The following MSRA variants were observed in gnomAD, a reference collection of about 807,000 sequenced individuals.
The protein encoded by MSRA is mitochondrial peptide methionine sulfoxide reductase.
Under a neutral mutation model 31.3 loss-of-function variants are expected in MSRA, and 54 were observed. The ratio of observed to expected loss-of-function variants is 1.73; its 90% CI spans 1.39 to 2.17. The LOEUF (loss-of-function observed/expected upper bound fraction) is 2.17, where lower values mean the gene tolerates loss of function less well. Among genes scored for constraint, MSRA ranks in the 30% most tolerant of loss-of-function variants. The pLI is 0.00. For missense variants in MSRA, 507 were observed against 300.9 expected, an observed-to-expected ratio of 1.69 and a Z score of -5.07; for synonymous variants, 169 against 116.5, an observed-to-expected ratio of 1.45 and a Z score of -2.90.
intron 3 of MSRA, among the ~76,000 whole-genome samples, chr8:10,298,505 A>G (rs1800663821): frequency 6.6e-6 from 1 of 152,166 alleles, no homozygotes; most frequent in Non-Finnish European, 1.5e-5. Context: ...ATGGGTACGG[A>G]ATATCAGTTT....
intron 1 of MSRA, among the ~76,000 whole-genome samples, chr8:10,105,194 C>CT (rs36000218): frequency 0.016 from 2,377 of 151,654 alleles, 149 homozygotes; most frequent in Admixed American, 0.11. Flanking sequence ...CCTTCTCAAT[C>CT]TTTTTTTTTC....
At chr8:10,119,960 A>G (rs184977368) in intron 1 of MSRA, among the ~76,000 whole-genome samples, 5 of 152,338 alleles carry the variant, frequency 3.3e-5, no homozygotes, top group African/African-American at 1.2e-4. Context: ...AAAAGGGGCA[A>G]GAAGAGAGCA....
At chr8:10,058,747 G>C (rs765869904) in intron 1 of MSRA, among the ~76,000 whole-genome samples, 1 of 152,198 alleles carries the variant, frequency 6.6e-6, no homozygotes, top group African/African-American at 2.4e-5. Flanking sequence ...ACCTTTTACA[G>C]TGTGCACTGT....
chr8:10,347,032 C>G (rs749603270), intron 5 of MSRA, among the ~76,000 whole-genome samples: 3 of 152,170 alleles, frequency 2.0e-5, no homozygotes, highest in Non-Finnish European at 4.4e-5. Flanking sequence ...CACACCCCAT[C>G]ATTCTGGCTG....
intron 1 of MSRA, among the ~76,000 whole-genome samples, chr8:10,102,528 C>T (rs1799600809): frequency 6.6e-6 from 1 of 152,142 alleles, no homozygotes; most frequent in Non-Finnish European, 1.5e-5. Flanking sequence ...TTTGTGGAAA[C>T]ATGTTTATAA....
At chr8:10,387,779 G>A (rs1351382258) in intron 5 of MSRA, among the ~76,000 whole-genome samples, 4 of 152,222 alleles carry the variant, frequency 2.6e-5, no homozygotes, top group African/African-American at 7.2e-5. Context: ...GTTATTCAGT[G>A]AGATTCCTAG....
intron 5 of MSRA, among the ~76,000 whole-genome samples, chr8:10,390,231 C>T (rs1037823425): frequency 6.6e-6 from 1 of 152,240 alleles, no homozygotes; most frequent in African/African-American, 2.4e-5. Context: ...GGGATGGGGC[C>T]TCCGTGGGGC....
intron 3 of MSRA, among the ~76,000 whole-genome samples, chr8:10,263,034 T>C (rs955433062): frequency 4.6e-5 from 7 of 152,232 alleles, no homozygotes; most frequent in Non-Finnish European, 8.8e-5. Context: ...ACATGGGTGC[T>C]GATTGTCTTG....
At chr8:10,179,250 T>C (rs1283050761) in intron 1 of MSRA, among the ~76,000 whole-genome samples, 1 of 152,158 alleles carries the variant, frequency 6.6e-6, no homozygotes, top group Non-Finnish European at 1.5e-5. Flanking sequence ...CCCAGTTTTT[T>C]GAAGAAGCTG....
Position 10,350,717 on chromosome 8 carries a change from C to T in MSRA, c.543+30728C>T, listed in dbSNP as rs1357177088. Among the ~76,000 whole-genome samples the T allele has an allele frequency of 2.0e-5, 3 of 152,216 alleles. No homozygotes were observed. The East Asian group carries it at 5.8e-4, about 29-fold the overall frequency. On this transcript the variant is annotated intron_variant, in intron 5 of 5. Transcript: ENST00000317173. ...TGGCCTGGGCACCGTGGCTCCTTGCCAAGGCCGGCAACCCTTGATGGTGGC... is the reference window on the plus strand; with the variant it reads ...TGGCCTGGGCACCGTGGCTCCTTGCTAAGGCCGGCAACCCTTGATGGTGGC...
intron 1 of MSRA, among the ~76,000 whole-genome samples, chr8:10,062,759 T>G (rs1797270868): frequency 6.6e-6 from 1 of 152,160 alleles, no homozygotes; most frequent in Admixed American, 6.5e-5. Flanking sequence ...ATCAGAAAAC[T>G]TTATTAACTA....
chr8:10,351,910 G>T (rs575624180), intron 5 of MSRA, among the ~76,000 whole-genome samples: 17 of 152,346 alleles, frequency 1.1e-4, no homozygotes, highest in African/African-American at 3.6e-4. Flanking sequence ...GACCCTGGCT[G>T]TCCGACGGCC....
chr8:10,279,419 C>G, intron 3 of MSRA, among the ~76,000 whole-genome samples: 1 of 152,146 alleles, frequency 6.6e-6, no homozygotes, highest in East Asian at 1.9e-4. Context: ...TCAACTTTGT[C>G]TAAGAGATAA....
rs117430578 is a variant in MSRA at position 10,071,995 on chromosome 8, C to T, written c.142+17337C>T. Among the ~76,000 whole-genome samples, 386 of 152,222 alleles carry T rather than the reference C, an allele frequency of 2.5e-3. 2 individuals carry two copies. Among genetic ancestry groups the T allele is most frequent in the Non-Finnish European group, 4.0e-3 (274 of 68,014 alleles). The stretch of plus-strand genomic sequence containing the variant: ...CAGGGGTCCCTCGTGGCTGCCCGTA[C>T]GGGGTGGTCTGCCTACGAGCACCCC... On this transcript the variant is annotated intron_variant, in intron 1 of 5. Transcript: ENST00000317173.
chr8:10,197,810 GT>G (rs1563207692), intron 1 of MSRA, among the ~76,000 whole-genome samples: 1 of 152,168 alleles, frequency 6.6e-6, no homozygotes, highest in African/African-American at 2.4e-5. Flanking sequence ...AGCTGGTTTG[GT>G]TTATTCTGGA....
chr8:10,095,807 G>A, intron 1 of MSRA: 1 of 1,229,594 alleles, frequency 8.1e-7, no homozygotes, highest in Non-Finnish European at 1.0e-6. Flanking sequence ...CAGTATTAAG[G>A]GAAATAAAAG....
At chr8:10,112,694 G>GAT (rs1800376862) in intron 1 of MSRA, among the ~76,000 whole-genome samples, 1 of 152,168 alleles carries the variant, frequency 6.6e-6, no homozygotes, top group Admixed American at 6.5e-5. Context: ...CTAATGTAGT[G>GAT]ATATAAATTC....
At chr8:10,193,443 G>C (rs888508779) in intron 1 of MSRA, among the ~76,000 whole-genome samples, 2 of 152,198 alleles carry the variant, frequency 1.3e-5, no homozygotes, top group Non-Finnish European at 2.9e-5. Flanking sequence ...AGTCATTACA[G>C]AATCCATCAA....
chr8:10,208,110 C>G (rs763000375), intron 2 of MSRA, among the ~76,000 whole-genome samples: 1 of 152,116 alleles, frequency 6.6e-6, no homozygotes, highest in African/African-American at 2.4e-5. Context: ...TATTTTCTCA[C>G]GTTGACAACC....
Sources: allele counts gnomAD v4.1 joint callset (sites outside exome capture counted in the v4.1 genomes callset), GRCh38; gene constraint gnomAD v4.1.1; transcripts MANE v1.5; gene names NCBI Gene and HGNC (gene_info 2026-07-23, HGNC 2026-07-21).